The following CERS4 variants were observed in gnomAD, a reference collection of about 807,000 sequenced individuals.
CERS4 encodes ceramide synthase 4.
A neutral mutation model predicts 51.8 loss-of-function variants in CERS4; 65 were observed. The ratio of observed to expected loss-of-function variants is 1.26; its 90% CI spans 1.03 to 1.54. The LOEUF (loss-of-function observed/expected upper bound fraction) is 1.54, where lower values mean the gene tolerates loss of function less well. Ranked by LOEUF, CERS4 falls within the 40% of genes most tolerant of loss-of-function variation. CERS4 has a pLI of 0.00. For missense variants in CERS4, 563 were observed against 500.4 expected, an observed-to-expected ratio of 1.13 and a Z score of -1.19; for synonymous variants, 228 against 208.4, an observed-to-expected ratio of 1.09 and a Z score of -0.81.
intron 2 of CERS4, among the ~76,000 whole-genome samples, chr19:8,225,541 A>C (rs1253105460): frequency 6.7e-6 from 1 of 149,152 alleles, no homozygotes; most frequent in Non-Finnish European, 1.5e-5. Flanking sequence ...CTCCTGCCTC[A>C]GCCTCTCGAG....
At chr19:8,239,582 C>T (rs1968436680) in intron 2 of CERS4, 1 of 152,082 alleles carries the variant, frequency 6.6e-6, no homozygotes, top group Admixed American at 6.6e-5. Context: ...GCAGAGCAGC[C>T]CCCTCCTCAC....
chr19:8,238,767 G>T (rs564640491), intron 2 of CERS4, among the ~76,000 whole-genome samples: 1 of 152,086 alleles, frequency 6.6e-6, no homozygotes, highest in Non-Finnish European at 1.5e-5. Flanking sequence ...CCCAGCTTAC[G>T]GAGGCTCCTG....
intron 2 of CERS4, among the ~76,000 whole-genome samples, chr19:8,212,469 G>T (rs1006727413): frequency 6.6e-6 from 1 of 152,044 alleles, no homozygotes; most frequent in African/African-American, 2.4e-5. Flanking sequence ...CGTAGGATGG[G>T]CTTTAAAGCA....
intron 2 of CERS4, among the ~76,000 whole-genome samples, chr19:8,226,129 A>C (rs1414740636): frequency 6.6e-6 from 1 of 151,974 alleles, no homozygotes; most frequent in East Asian, 1.9e-4. Context: ...TCCGGGAGGC[A>C]GAGGTTGCAG....
chr19:8,219,707 T>C (rs1265498162), intron 2 of CERS4, among the ~76,000 whole-genome samples: 1 of 151,900 alleles, frequency 6.6e-6, no homozygotes, highest in East Asian at 1.9e-4. Context: ...TAACTCCAGC[T>C]ACTCAGGAGG....
chr19:8,224,375 C>T (rs1233100510), intron 2 of CERS4, among the ~76,000 whole-genome samples: 2 of 150,242 alleles, frequency 1.3e-5, no homozygotes, highest in African/African-American at 2.5e-5. Flanking sequence ...CCACTGCACT[C>T]CAGCCTGGGT....
chr19:8,254,898 G>GGGAGAT (rs1969297846), intron 4 of CERS4, among the ~76,000 whole-genome samples: 1 of 151,452 alleles, frequency 6.6e-6, no homozygotes, highest in African/African-American at 2.4e-5. Context: ...CAGCCTCCTT[G>GGGAGAT]GGAGATGGGG....
At chr19:8,244,424 T>G (rs756236441) in intron 2 of CERS4, among the ~76,000 whole-genome samples, 4 of 152,230 alleles carry the variant, frequency 2.6e-5, no homozygotes, top group Non-Finnish European at 4.4e-5. Flanking sequence ...ATCATCATGA[T>G]GTACAGATCT....
chr19:8,226,264 G>A (rs896646024), intron 2 of CERS4, among the ~76,000 whole-genome samples: 3 of 152,260 alleles, frequency 2.0e-5, no homozygotes, highest in East Asian at 3.9e-4. Context: ...ATGCAGGGAG[G>A]TAAGGGCTTG....
chr19:8,256,754 A>ATGCTGGGG (rs762691842), intron 8 of CERS4, 44 bp downstream of exon 8: 53 of 1,596,216 alleles, frequency 3.3e-5, no homozygotes, highest in Non-Finnish European at 4.1e-5. Context: ...TCTGGCCGGG[A>ATGCTGGGG]TGCTGGGGTG....
At chr19:8,253,416 AC>A (rs2145304401) in intron 3 of CERS4, among the ~76,000 whole-genome samples, 1 of 148,868 alleles carries the variant, frequency 6.7e-6, no homozygotes, top group South Asian at 2.1e-4. Flanking sequence ...GTTGGTCTGC[AC>A]ACCCTCACCC....
chr19:8,257,575 C>T (rs527621611), intron 9 of CERS4, among the ~76,000 whole-genome samples: 4 of 152,310 alleles, frequency 2.6e-5, no homozygotes, highest in African/African-American at 7.2e-5. Flanking sequence ...GGATTACAGG[C>T]ACTTGCCACC....
Position 8,214,116 on chromosome 19 carries a change from C to T in CERS4, c.-2+3254C>T, listed in dbSNP as rs1035467466. On this transcript the variant is annotated intron_variant, in intron 2 of 11. Transcript: ENST00000251363. ...GCTCAGCTCAGCTTTCCCTCCCTAC[C>T]CCCTCCTGGACTCCCAGAGACAGAT... 7.9e-5 allele frequency among the ~76,000 whole-genome samples: 12 copies of T among 152,218 alleles called. No homozygotes were observed. The East Asian group carries it at 2.3e-3, about 29-fold the overall frequency.
chr19:8,258,114 G>A (rs1969493898), intron 10 of CERS4, 129 bp downstream of exon 10: 1 of 767,308 alleles, frequency 1.3e-6, no homozygotes, highest in African/African-American at 1.7e-5. Context: ...GGAGGAGGCA[G>A]GGAAGGGTGT....
At chr19:8,226,415 C>CT (rs1967790495) in intron 2 of CERS4, among the ~76,000 whole-genome samples, 1 of 152,216 alleles carries the variant, frequency 6.6e-6, no homozygotes, top group African/African-American at 2.4e-5. Flanking sequence ...CTGCTTGGCC[C>CT]TATATGAATC....
chr19:8,235,742 A>T (rs1302684010), intron 2 of CERS4, among the ~76,000 whole-genome samples: 3 of 151,584 alleles, frequency 2.0e-5, no homozygotes, highest in Non-Finnish European at 4.4e-5. Flanking sequence ...AAAGAATTTT[A>T]AAATTAGGCA....
In CERS4 at chr19:8,254,554, C is replaced by T. The variant is rs747324298; in HGVS notation, c.229C>T (p.Gln77Ter). 3 of 1,613,588 alleles carry T rather than the reference C, an allele frequency of 1.9e-6. No homozygotes were observed. In the African/African-American group the frequency reaches 4.0e-5, roughly 22 times the overall value. Reference protein sequence around the residue: ...WLGVRDQTRRQVKPNATLEKH... With the variant: ...WLGVRDQTRR ...GGGTGTGAGGGATCAGACCAGGAGG[C>T]AAGTGAAGCCCAACGCCACGCTGGA... Residue 77 changes from glutamine (Q) to a stop codon, truncating the protein, a stop_gained, in exon 4 of 12, where the codon CAA becomes TAA. Coordinates refer to ENST00000251363, the MANE Select transcript of CERS4 (RefSeq NM_024552.3). LOFTEE classifies it high-confidence loss of function.
chr19:8,245,122 A>AAAAAAAAAAAAAACAAAAAAAAAAC (rs1555777242), intron 2 of CERS4, among the ~76,000 whole-genome samples: 1 of 129,258 alleles, frequency 7.7e-6, no homozygotes, highest in Non-Finnish European at 1.6e-5. Context: ...AAAAAAAAAA[A>AAAAAAAAAAAAAACAAAAAAAAAAC]AAAAAAAAAA....
At chr19:8,253,029 A>G (rs1969168239) in intron 3 of CERS4, among the ~76,000 whole-genome samples, 1 of 152,198 alleles carries the variant, frequency 6.6e-6, no homozygotes, top group African/African-American at 2.4e-5. Flanking sequence ...CTTAGCAGAT[A>G]ATAAGCGCTC....
Sources: gnomAD v4.1 joint callset for allele counts (sites outside exome capture counted in the v4.1 genomes callset) on GRCh38, gnomAD v4.1.1 for gene constraint, MANE v1.5 for transcripts, NCBI Gene and HGNC (gene_info 2026-07-23, HGNC 2026-07-21) for gene names.